Variants in KSR2 observed in about 807,000 individuals in gnomAD.
The protein encoded by KSR2 is kinase suppressor of ras 2.
Under a neutral mutation model 107.8 loss-of-function variants are expected in KSR2, and 25 were observed. The observed-to-expected ratio is 0.23, with a 90% CI of 0.17 to 0.32. The LOEUF (loss-of-function observed/expected upper bound fraction) is 0.32. Ranked by LOEUF, KSR2 falls within the 10% of genes least tolerant of loss-of-function variation. KSR2 has a pLI of 1.00. For synonymous variants in KSR2, 480 were observed against 507.0 expected, an observed-to-expected ratio of 0.95 and a Z score of 0.71; for missense variants, 887 against 1,268.9, an observed-to-expected ratio of 0.70 and a Z score of 4.57.
intron 15 of KSR2, 134 bp from the exon 16 acceptor site, chr12:117,484,683 G>C (rs1565867733): frequency 1.2e-6 from 1 of 863,268 alleles, no homozygotes; most frequent in Admixed American, 2.5e-5. Flanking sequence ...GCAGGGCCTG[G>C]GGTCTGACCG....
At chr12:117,742,693 T>A (rs1023910892) in intron 4 of KSR2, among the ~76,000 whole-genome samples, 2 of 152,236 alleles carry the variant, frequency 1.3e-5, no homozygotes, top group Non-Finnish European at 2.9e-5. Flanking sequence ...TCTGAAATAA[T>A]GTCAAAAACA....
intron 3 of KSR2, among the ~76,000 whole-genome samples, chr12:117,765,544 C>A (rs563322005): frequency 1.5e-3 from 229 of 152,196 alleles, no homozygotes; most frequent in African/African-American, 4.6e-3. Flanking sequence ...TATTTGAACA[C>A]CCTTTACGTA....
chr12:117,586,544 G>A (rs1218025668), intron 5 of KSR2, among the ~76,000 whole-genome samples: 2 of 145,920 alleles, frequency 1.4e-5, no homozygotes, highest in Non-Finnish European at 3.0e-5. Flanking sequence ...CCAAGGTCGC[G>A]CCATTGCACT....
At chr12:117,469,945 C>T (rs1871339396) in intron 18 of KSR2, 150 bp from the exon 19 acceptor site, 1 of 678,872 alleles carries the variant, frequency 1.5e-6, no homozygotes, top group South Asian at 1.8e-5. Context: ...ATCCATCCAC[C>T]CATCCGGTAC....
chr12:117,812,548 G>A (rs1891226251), intron 3 of KSR2, among the ~76,000 whole-genome samples: 3 of 152,038 alleles, frequency 2.0e-5, no homozygotes, highest in Admixed American at 2.0e-4. Context: ...ATTTCAGATA[G>A]TAAATGGTCC....
At chr12:117,737,640 G>A (rs897648606) in intron 4 of KSR2, among the ~76,000 whole-genome samples, 2 of 151,836 alleles carry the variant, frequency 1.3e-5, no homozygotes, top group African/African-American at 4.8e-5. Flanking sequence ...AAAATCAGCC[G>A]GGCATGGTGG....
At chr12:117,682,993 C>T (rs1371057713) in intron 4 of KSR2, among the ~76,000 whole-genome samples, 1 of 152,008 alleles carries the variant, frequency 6.6e-6, no homozygotes, top group Non-Finnish European at 1.5e-5. Flanking sequence ...TAAGTTGAAG[C>T]TTCAAATAGA....
rs202130795 is a variant in KSR2, at chr12:117,563,841, C to A, written c.1326-5268G>T. On this transcript the variant is annotated intron_variant, in intron 7 of 19. Transcript: ENST00000339824. ...TTTTAGGACTGCACCCCAATCCCCC[C>A]AAGCACCTGCTCTTTGATGCACCCA... Among the ~76,000 whole-genome samples, 26 of 152,216 alleles carry A rather than the reference C, an allele frequency of 1.7e-4. No individual in the cohort carries two copies. In the East Asian group the frequency reaches 3.9e-3, roughly 23 times the overall value.
At chr12:117,811,263 G>A (rs894006787) in intron 3 of KSR2, among the ~76,000 whole-genome samples, 1 of 152,138 alleles carries the variant, frequency 6.6e-6, no homozygotes, top group African/African-American at 2.4e-5. Context: ...AGGTGACAAT[G>A]GGACGTGACT....
At chr12:117,847,087 C>G (rs373708528) in intron 3 of KSR2, among the ~76,000 whole-genome samples, 14 of 152,348 alleles carry the variant, frequency 9.2e-5, no homozygotes, top group African/African-American at 3.1e-4. Context: ...AACAGGAGGG[C>G]TGGAGAAGTT....
intron 4 of KSR2, among the ~76,000 whole-genome samples, chr12:117,756,232 G>T (rs551706103): frequency 6.6e-6 from 1 of 152,158 alleles, no homozygotes; most frequent in Non-Finnish European, 1.5e-5. Flanking sequence ...TATATTCAAC[G>T]ATGCCATCTA....
At chr12:117,582,953 G>C (rs1879757189) in intron 5 of KSR2, among the ~76,000 whole-genome samples, 1 of 152,136 alleles carries the variant, frequency 6.6e-6, no homozygotes, top group Non-Finnish European at 1.5e-5. Flanking sequence ...AACATTTTAG[G>C]CTGACTCCAA....
chr12:117,737,620 T>C (rs888478337), intron 4 of KSR2, among the ~76,000 whole-genome samples: 1 of 151,896 alleles, frequency 6.6e-6, no homozygotes, highest in Admixed American at 6.6e-5. Flanking sequence ...CTGTCTCTAC[T>C]GAAAATACAA....
chr12:117,685,918 C>G (rs1266728665), intron 4 of KSR2, among the ~76,000 whole-genome samples: 1 of 152,204 alleles, frequency 6.6e-6, no homozygotes, highest in Non-Finnish European at 1.5e-5. Context: ...CAAAGATTTG[C>G]GGAAGGTCCC....
At chr12:117,675,592 G>A (rs1004062269) in intron 4 of KSR2, among the ~76,000 whole-genome samples, 12 of 152,182 alleles carry the variant, frequency 7.9e-5, no homozygotes, top group African/African-American at 1.7e-4. Context: ...CACAGAGATC[G>A]TCAAGGGAAG....
intron 8 of KSR2, among the ~76,000 whole-genome samples, chr12:117,556,207 G>C (rs1365971380): frequency 1.3e-5 from 2 of 151,530 alleles, no homozygotes; most frequent in Non-Finnish European, 2.9e-5. Context: ...AAGGCGGCAT[G>C]GCCTTGAGGG....
chr12:117,787,075 A>G (rs1890103725), intron 3 of KSR2, among the ~76,000 whole-genome samples: 1 of 152,034 alleles, frequency 6.6e-6, no homozygotes, highest in South Asian at 2.1e-4. Context: ...TCAAACATCA[A>G]GCTTCCTTCC....
rs2137332175 is a variant in KSR2, at chr12:117,884,484, G to C, written c.181-24053C>G. Among the ~76,000 whole-genome samples, 2 of 152,276 alleles carry C rather than the reference G, an allele frequency of 1.3e-5. 1 individual carries two copies. Among genetic ancestry groups the C allele is most frequent in the Admixed American group, 1.3e-4 (2 of 15,290 alleles). Reference sequence around the variant, plus strand: ...GTCTTCTGAAAGGGAAATTTCTAAAGTTCTCTTGCTTGTAGCAGCAAGGGG... The same window carrying C: ...GTCTTCTGAAAGGGAAATTTCTAAACTTCTCTTGCTTGTAGCAGCAAGGGG... On this transcript the variant is annotated intron_variant, in intron 1 of 19. Transcript: ENST00000339824.
intron 4 of KSR2, among the ~76,000 whole-genome samples, chr12:117,717,713 G>GCA (rs1360805471): frequency 2.8e-4 from 40 of 144,602 alleles, no homozygotes; most frequent in Admixed American, 8.4e-4. Context: ...GTGTGTGTGT[G>GCA]CATGCGCGCG....
Sources: allele counts gnomAD v4.1 joint callset (sites outside exome capture counted in the v4.1 genomes callset), GRCh38; gene constraint gnomAD v4.1.1; transcripts MANE v1.5; gene names NCBI Gene and HGNC (gene_info 2026-07-23, HGNC 2026-07-21).